The following WDR27 variants were observed in gnomAD, a reference collection of about 807,000 sequenced individuals.
The protein encoded by WDR27 is WD repeat-containing protein 27.
WDR27 carries 100 observed loss-of-function variants against 114.4 expected under a neutral mutation model. The ratio of observed to expected loss-of-function variants is 0.87; its 90% CI spans 0.74 to 1.03. WDR27 has a LOEUF of 1.03. WDR27 is among the 50% of genes least tolerant of loss of function. The pLI, the probability that WDR27 is intolerant of heterozygous loss-of-function variation, is 0.00. For missense variants in WDR27, 1,129 were observed against 1,092.9 expected (o/e 1.03, Z -0.47); for synonymous variants, 449 against 423.1 (o/e 1.06, Z -0.75).
chr6:169,445,443 C>A, the WDR27 span, among the ~76,000 whole-genome samples: 3 of 152,132 alleles, frequency 2.0e-5, no homozygotes, highest in African/African-American at 4.8e-5. Context: ...GCTGTAAATG[C>A]CACCCTCTGC....
At chr6:169,442,662 G>A in the WDR27 span, among the ~76,000 whole-genome samples, 1 of 152,126 alleles carries the variant, frequency 6.6e-6, no homozygotes, top group African/African-American at 2.4e-5. Context: ...GTCCCCTGTG[G>A]TCTCCTGCCT....
At chr6:169,539,118 C>T (rs960911605) in intron 25 of WDR27, among the ~76,000 whole-genome samples, 2 of 152,214 alleles carry the variant, frequency 1.3e-5, no homozygotes, top group Non-Finnish European at 2.9e-5. Flanking sequence ...TCATGGTTTA[C>T]ATGCCTTCCA....
rs1310539706 is a variant in WDR27, at chr6:169,662,414, C to G, written c.915G>C (p.Gln305His). The G allele has an allele frequency of 1.2e-5, 19 of 1,613,870 alleles. No homozygotes were observed. Among genetic ancestry groups the G allele is most frequent in the Non-Finnish European group, 1.6e-5 (19 of 1,179,860 alleles). Residue 305 changes from glutamine (Q) to histidine (H), a missense_variant, in exon 9 of 26, where the codon CAG (glutamine) becomes CAC (histidine). Gln to His is a conservative substitution (Grantham distance 24, BLOSUM62 0). Coordinates refer to ENST00000448612, the MANE Select transcript of WDR27 (RefSeq NM_182552.5). ...TTCCCAGAGCACTTGTAGAGGGAAG[C>G]TGGCTTTCTTCTAGGGACAGAATTA... ...SGLCSQPEES[Q>H]LPSTSALGKG...
chr6:169,652,868 A>AT (rs575534838), intron 13 of WDR27, among the ~76,000 whole-genome samples: 190 of 152,382 alleles, frequency 1.2e-3, no homozygotes, highest in Non-Finnish European at 2.2e-3. Flanking sequence ...TACATCACAT[A>AT]TGCTAGTCTG....
At chr6:169,506,794 C>T (rs1245576210) in intron 25 of WDR27, among the ~76,000 whole-genome samples, 1 of 152,196 alleles carries the variant, frequency 6.6e-6, no homozygotes, top group Non-Finnish European at 1.5e-5. Context: ...GACACATCAA[C>T]AGAGAAACAG....
chr6:169,692,732 T>C (rs1488931372), intron 1 of WDR27, among the ~76,000 whole-genome samples: 1 of 152,106 alleles, frequency 6.6e-6, no homozygotes, highest in African/African-American at 2.4e-5. Context: ...CATAACTCCA[T>C]TGGCCCAAGA....
rs947687868 is a variant in WDR27 at position 169,616,272 on chromosome 6, G to A, written c.2224-2616C>T. Among the ~76,000 whole-genome samples, 32 of 152,236 alleles carry A rather than the reference G, an allele frequency of 2.1e-4. No homozygotes were observed. In the South Asian group the frequency reaches 2.9e-3, roughly 14 times the overall value. ...TGGGAGGCCAAGGCGGGCGGATCAC[G>A]AGGTCAAGAGATCGAGACCAGCCTG... On this transcript the variant is annotated intron_variant, in intron 21 of 25. Transcript: ENST00000448612.
the WDR27 span, among the ~76,000 whole-genome samples, chr6:169,434,403 T>G: frequency 6.6e-6 from 1 of 152,216 alleles, no homozygotes; most frequent in Non-Finnish European, 1.5e-5. Context: ...TGTGTGGTTT[T>G]ATTTCTGAGG....
chr6:169,496,889 C>A (rs1790476804), intron 25 of WDR27, among the ~76,000 whole-genome samples: 1 of 152,088 alleles, frequency 6.6e-6, no homozygotes. Context: ...AGATGCAATG[C>A]AATCCCTGTA....
In WDR27 at chr6:169,602,218, C is replaced by A; in HGVS notation, c.2424+1G>T. The A allele has an allele frequency of 6.5e-7, 1 of 1,549,254 alleles. No individual in the cohort carries two copies. Among genetic ancestry groups the A allele is most frequent in the Non-Finnish European group, 8.7e-7 (1 of 1,143,558 alleles). On this transcript the variant is annotated splice_donor_variant, in intron 23 of 25. Transcript: ENST00000448612. LOFTEE classifies it high-confidence loss of function. ...TTTATAGACAGTCAAACAGTACATA[C>A]GTGTCTGTCCTCGGCCCCACAAGCC...
intron 25 of WDR27, among the ~76,000 whole-genome samples, chr6:169,535,503 T>C (rs1045943266): frequency 4.6e-5 from 7 of 152,178 alleles, no homozygotes; most frequent in African/African-American, 1.7e-4. Flanking sequence ...AGTCCTTTTT[T>C]CTTTCTTTCT....
At chr6:169,601,092 C>T (rs1416970103) in intron 23 of WDR27, among the ~76,000 whole-genome samples, 5 of 152,162 alleles carry the variant, frequency 3.3e-5, no homozygotes, top group African/African-American at 1.2e-4. Context: ...AAGGGAAGCC[C>T]ATCAGACTAA....
intron 10 of WDR27, 112 bp downstream of exon 10, chr6:169,660,551 T>G: frequency 2.3e-6 from 2 of 854,970 alleles, no homozygotes; most frequent in East Asian, 5.0e-5. Context: ...GACTGAAGCA[T>G]CTCATCCTCA....
the WDR27 span, among the ~76,000 whole-genome samples, chr6:169,442,154 T>C: frequency 1.3e-5 from 2 of 152,254 alleles, no homozygotes; most frequent in Non-Finnish European, 2.9e-5. Flanking sequence ...AAGAATTAAA[T>C]GGATCCTCAT....
intron 13 of WDR27, among the ~76,000 whole-genome samples, chr6:169,657,210 C>T (rs547014701): frequency 1.2e-4 from 18 of 152,332 alleles, no homozygotes; most frequent in African/African-American, 3.4e-4. Flanking sequence ...AAGCTCTCCC[C>T]GATCTGCAAG....
the WDR27 span, among the ~76,000 whole-genome samples, chr6:169,445,376 G>A: frequency 6.6e-6 from 1 of 152,076 alleles, no homozygotes. Flanking sequence ...TCATGAGCCT[G>A]GACCGCGAAG....
At chr6:169,447,477 A>G in the WDR27 span, among the ~76,000 whole-genome samples, 2 of 152,184 alleles carry the variant, frequency 1.3e-5, no homozygotes, top group Admixed American at 1.3e-4. Context: ...ACAAAGCAAT[A>G]ACGACTTGGA....
In WDR27 at chr6:169,659,557, G is replaced by A. The variant is rs1290243804; in HGVS notation, c.1130-39C>T. 2.5e-6 allele frequency: 4 copies of A among 1,579,152 alleles called. No homozygotes were observed. In the South Asian group the frequency reaches 3.5e-5, roughly 14 times the overall value. ...AAGACCAGGAAGAACATGATGGGGA[G>A]GGAGGTAGCACATACACACGGAGTC... On this transcript the variant is annotated intron_variant, in intron 10 of 25. Transcript: ENST00000448612. This position sits in a 1 kb window ranked among gnomAD's most constrained non-coding sequence, Gnocchi z 4.3.
the WDR27 span, among the ~76,000 whole-genome samples, chr6:169,438,313 C>T: frequency 1.4e-4 from 21 of 149,214 alleles, no homozygotes; most frequent in Non-Finnish European, 2.1e-4. Flanking sequence ...TCTCAGCTCA[C>T]TGCAAGCTCC....
Sources: allele counts gnomAD v4.1 joint callset (sites outside exome capture counted in the v4.1 genomes callset), GRCh38; gene constraint gnomAD v4.1.1; non-coding constraint Gnocchi (gnomAD v3.1); transcripts MANE v1.5; gene names NCBI Gene and HGNC (gene_info 2026-07-23, HGNC 2026-07-21).